TRIM11: variants seen among roughly 807,000 people sequenced by gnomAD.
The protein encoded by TRIM11 is tripartite motif containing 11.
TRIM11 carries 15 observed loss-of-function variants against 33.4 expected under a neutral mutation model. The observed-to-expected ratio is 0.45, with a 90% CI of 0.30 to 0.69. TRIM11 has a LOEUF of 0.69. Among genes scored for constraint, TRIM11 ranks in the 30% least tolerant of loss-of-function variants. The probability of loss-of-function intolerance (pLI) is 0.08; values close to 1 mark genes in which losing one functional copy is unlikely to be tolerated. For synonymous variants in TRIM11, 281 were observed against 302.6 expected (o/e 0.93, Z 0.74); for missense variants, 499 against 667.6 (o/e 0.75, Z 2.78).
Position 228,406,085 on chromosome 1 carries a change from C to A in TRIM11, c.408+69G>T. 1.6e-6 allele frequency: 2 copies of A among 1,261,760 alleles called. No homozygotes were observed. The highest frequency in any genetic ancestry group is 2.0e-6 in the Non-Finnish European group (2 of 981,664). 78.2% of individuals were successfully genotyped at this position (1,261,760 alleles called of 1,614,324 possible). A position where few individuals can be genotyped will look rare whatever the true frequency, so the allele number is the denominator to read the frequency against. The stretch of plus-strand genomic sequence containing the variant: ...CTCCCGGAGCAGTCCCCCAAACCTC[C>A]CACCCGCCCAGGCCTCCCCAGTCCC... On this transcript the variant is annotated intron_variant, in intron 1 of 5. Coordinates refer to ENST00000284551, the MANE Select transcript of TRIM11 (RefSeq NM_145214.3). The surrounding 1 kb of genome is among the most constrained non-coding windows in gnomAD (Gnocchi z 8.2).
Position 228,393,925 on chromosome 1 carries a change from GGGCCACT to G in TRIM11, c.*773_*779del, listed in dbSNP as rs1441702397. 6.6e-6 allele frequency: 1 copy of G among 152,190 alleles called. No homozygotes were observed. Among genetic ancestry groups the G allele is most frequent in the Non-Finnish European group, 1.5e-5 (1 of 68,048 alleles). The allele number at this position is 152,190 out of a possible 1,614,324, so 9.4% of individuals were successfully genotyped here. A position where few individuals can be genotyped will look rare whatever the true frequency, so the allele number is the denominator to read the frequency against. On this transcript the variant is annotated 3_prime_UTR_variant, in exon 6 of 6. Transcript: ENST00000284551. ...AGCAGCTGGGACCCTGGGTCCTGAG[GGGCCACT>G]GGAGACCTAGGAAGCCTTTGCAAGG...
At chr1:228,399,173 C>T (rs1385450571) in intron 3 of TRIM11, among the ~76,000 whole-genome samples, 1 of 152,092 alleles carries the variant, frequency 6.6e-6, no homozygotes, top group Admixed American at 6.5e-5. Flanking sequence ...GGTTCCCCTA[C>T]CCAACCGGGG....
At chr1:228,402,037 C>G in intron 2 of TRIM11, 29 bp downstream of exon 2, 3 of 1,602,036 alleles carry the variant, frequency 1.9e-6, no homozygotes, top group Non-Finnish European at 1.7e-6. Context: ...TACCCTGCCA[C>G]CCAGGACCCT....
At chr1:228,398,580 A>ACT (rs1319911360) in intron 3 of TRIM11, among the ~76,000 whole-genome samples, 1 of 152,134 alleles carries the variant, frequency 6.6e-6, no homozygotes, top group Admixed American at 6.5e-5. Flanking sequence ...ACATCACTGT[A>ACT]CTCTAGCCTG....
Position 228,395,502 on chromosome 1 carries a change from A to C in TRIM11, c.860-250T>G. 2.7e-6 allele frequency: 1 copy of C among 367,542 alleles called. No homozygotes were observed. The highest frequency in any genetic ancestry group is 4.1e-5 in the East Asian group (1 of 24,648). 22.8% of individuals were successfully genotyped at this position (367,542 alleles called of 1,614,324 possible). On this transcript the variant is annotated intron_variant, in intron 5 of 5. Transcript: ENST00000284551. This position sits in a 1 kb window ranked among gnomAD's most constrained non-coding sequence, Gnocchi z 4.8. Reference sequence around the variant, plus strand: ...CCATGTTTTGCCTTCAGATATCAAGAGGGAATCTTGGTTGCTTTTTTTTTT... The same window carrying C: ...CCATGTTTTGCCTTCAGATATCAAGCGGGAATCTTGGTTGCTTTTTTTTTT...
intron 4 of TRIM11, 21 bp downstream of exon 4, chr1:228,397,122 C>T: frequency 5.6e-6 from 9 of 1,613,896 alleles, no homozygotes; most frequent in Non-Finnish European, 6.8e-6. Flanking sequence ...GCCCCCCCTC[C>T]AGGAGAGGCT....
In TRIM11 at chr1:228,394,724, TC is replaced by T; in HGVS notation, c.1387del (p.Asp463ThrfsTer51). On this transcript the variant is annotated frameshift_variant, in exon 6 of 6. Transcript: ENST00000284551. LOFTEE classifies it high-confidence loss of function. The surrounding 1 kb of genome is among the most constrained non-coding windows in gnomAD (Gnocchi z 6.2). ...CCCGAGTCACTGGGGAGCCAGGGTG[TC>T]CCCGGACCCACCTTTCGGCCGGCAG... ...TICRPKGGSG[D>X]TLAPQ The T allele has an allele frequency of 6.2e-7, 1 of 1,605,582 alleles. No individual in the cohort carries two copies. Among genetic ancestry groups the T allele is most frequent in the Middle Eastern group, 1.7e-4 (1 of 5,890 alleles).
Position 228,394,914 on chromosome 1 carries a change from G to C in TRIM11, c.1198C>G (p.Pro400Ala). 1 of 1,614,160 alleles carries C rather than the reference G, an allele frequency of 6.2e-7. No individual in the cohort carries two copies. The highest frequency in any genetic ancestry group is 1.1e-5 in the South Asian group (1 of 91,086). ...AGAAAGATCCCCACGCGCCTGGGTG[G>C]GTCCCGGAGTGGAGCCAAGGCCCGT... ...SERALAPLRD[P>A]PRRVGIFLDY... The change falls in exon 6 of 6, where the codon CCA becomes GCA. Residue 400 changes from proline to alanine, a missense_variant. By Grantham distance (27) the Pro-to-Ala change is conservative. Coordinates refer to ENST00000284551, the MANE Select transcript of TRIM11 (RefSeq NM_145214.3). The surrounding 1 kb of genome is among the most constrained non-coding windows in gnomAD (Gnocchi z 6.2).
chr1:228,397,290 A>C (rs770267902), intron 3 of TRIM11, 125 bp from the exon 4 acceptor site: 3 of 1,194,302 alleles, frequency 2.5e-6, no homozygotes, highest in African/African-American at 1.5e-5. Context: ...GGCAGCAAAA[A>C]CACACACAGG....
At position 228,400,512 on chromosome 1, in the gene TRIM11, A is replaced by G. The variant is rs1656161838; in HGVS notation, c.735+452T>C. On this transcript the variant is annotated intron_variant, in intron 3 of 5. Coordinates refer to ENST00000284551, the MANE Select transcript of TRIM11 (RefSeq NM_145214.3). This position sits in a 1 kb window ranked among gnomAD's most constrained non-coding sequence, Gnocchi z 4.5. The stretch of plus-strand genomic sequence containing the variant: ...GCAGAGGAGGAGGAGACTGCCCCCC[A>G]TAATGGAGATGCATGGGGTGTGCCA... Among the ~76,000 whole-genome samples the G allele has an allele frequency of 6.6e-6, 1 of 152,162 alleles. No homozygotes were observed. Among genetic ancestry groups the G allele is most frequent in the Non-Finnish European group, 1.5e-5 (1 of 68,012 alleles).
At position 228,395,625 on chromosome 1, in the gene TRIM11, T is replaced by G. The variant is rs936289346; in HGVS notation, c.860-373A>C. ...GCCTTGATCTCCTGGGCTCAAATGATCCTCCCGCCTCAGATCCTCCCAAGC... is the reference window on the plus strand; with the variant it reads ...GCCTTGATCTCCTGGGCTCAAATGAGCCTCCCGCCTCAGATCCTCCCAAGC... On this transcript the variant is annotated intron_variant, in intron 5 of 5. Transcript: ENST00000284551. This position sits in a 1 kb window ranked among gnomAD's most constrained non-coding sequence, Gnocchi z 4.8. 28 of 177,094 alleles carry G rather than the reference T, an allele frequency of 1.6e-4. No individual in the cohort carries two copies. The highest frequency in any genetic ancestry group is 5.4e-4 in the African/African-American group (23 of 42,346). 11.0% of individuals were successfully genotyped at this position (177,094 alleles called of 1,614,324 possible).
Position 228,397,324 on chromosome 1 carries a change from G to A in TRIM11, c.736-159C>T, listed in dbSNP as rs2074995573. 3 of 765,316 alleles carry A rather than the reference G, an allele frequency of 3.9e-6. No homozygotes were observed. The East Asian group carries it at 8.1e-5, about 21-fold the overall frequency. 47.4% of individuals were successfully genotyped at this position (765,316 alleles called of 1,614,324 possible). On this transcript the variant is annotated intron_variant, in intron 3 of 5. Transcript: ENST00000284551. ...GGGGGCCATAAACCACCCGCAGCAA[G>A]GCTCAGACACAGGAATGCTGGACAG...
intron 5 of TRIM11, chr1:228,396,517 T>G (rs1478901063): frequency 1.7e-6 from 1 of 603,254 alleles, no homozygotes; most frequent in African/African-American, 1.9e-5. Flanking sequence ...AGTAAAGTGC[T>G]CTTCTGAGTT....
In TRIM11 at chr1:228,401,926, G is replaced by T; in HGVS notation, c.504+140C>A. ...AAGGACCAGCCCTTCAGTGGGCTCG[G>T]TGGGGCCAGGCTGAAGCAGTGACTG... On this transcript the variant is annotated intron_variant, in intron 2 of 5. Coordinates refer to ENST00000284551, the MANE Select transcript of TRIM11 (RefSeq NM_145214.3). The surrounding 1 kb of genome is among the most constrained non-coding windows in gnomAD (Gnocchi z 6.1). 1.8e-6 allele frequency: 1 copy of T among 560,382 alleles called. No individual in the cohort carries two copies. The highest frequency in any genetic ancestry group is 2.9e-6 in the Non-Finnish European group (1 of 340,586). The allele number at this position is 560,382 out of a possible 1,614,324, so 34.7% of individuals were successfully genotyped here. A position where few individuals can be genotyped will look rare whatever the true frequency, so the allele number is the denominator to read the frequency against.
intron 1 of TRIM11, chr1:228,405,878 A>G (rs1255739826): frequency 2.6e-6 from 1 of 378,914 alleles, no homozygotes; most frequent in Non-Finnish European, 4.7e-6. Flanking sequence ...GCCTCTATCT[A>G]TGAGAGGTAC....
Position 228,394,658 on chromosome 1 carries a change from C to G in TRIM11, c.*47G>C. 1.3e-6 allele frequency: 2 copies of G among 1,532,066 alleles called. No individual in the cohort carries two copies. The highest frequency in any genetic ancestry group is 2.5e-5 in the South Asian group (2 of 78,962). The allele number at this position is 1,532,066 out of a possible 1,614,324, so 94.9% of individuals were successfully genotyped here. ...TCCAAGTGGCCAAAACACTCAGTGG[C>G]CTGGAGGGGCAGGAGAGGCAACAGG... On this transcript the variant is annotated 3_prime_UTR_variant, in exon 6 of 6. Coordinates refer to ENST00000284551, the MANE Select transcript of TRIM11 (RefSeq NM_145214.3). The surrounding 1 kb of genome is among the most constrained non-coding windows in gnomAD (Gnocchi z 6.2).
intron 5 of TRIM11, chr1:228,396,308 T>C (rs763432928): frequency 6.1e-4 from 163 of 269,108 alleles, no homozygotes; most frequent in Middle Eastern, 4.6e-3. Context: ...ATCATAACCA[T>C]GTAATGGAAC....
chr1:228,406,532 G>T lies in TRIM11; in HGVS notation c.30C>A (p.Leu10=), dbSNP rs1484371633. The T allele has an allele frequency of 2.5e-6, 4 of 1,569,922 alleles. No homozygotes were observed. The highest frequency in any genetic ancestry group is 2.6e-6 in the Non-Finnish European group (3 of 1,157,996). The change falls in exon 1 of 6, where the codon CTC becomes CTA. Residue 10 remains leucine, a synonymous_variant. Coordinates refer to ENST00000284551, the MANE Select transcript of TRIM11 (RefSeq NM_145214.3). The surrounding 1 kb of genome is among the most constrained non-coding windows in gnomAD (Gnocchi z 8.2). The part of the protein sequence containing the change: MAAPDLSTN[L]QEEATCAICL... Reference sequence around the variant, plus strand: ...AGATGGCGCAGGTGGCCTCCTCCTGGAGGTTGGTGGACAGGTCGGGGGCGG... The same window carrying T: ...AGATGGCGCAGGTGGCCTCCTCCTGTAGGTTGGTGGACAGGTCGGGGGCGG...
chr1:228,402,094 T>C lies in TRIM11; in HGVS notation c.476A>G (p.Gln159Arg), dbSNP rs200161509. Residue 159 changes from glutamine (Q) to arginine (R), a missense_variant, in exon 2 of 6, where the codon CAG (glutamine) becomes CGG (arginine). Gln to Arg is a conservative substitution (Grantham distance 43). Coordinates refer to ENST00000284551, the MANE Select transcript of TRIM11 (RefSeq NM_145214.3). The stretch of plus-strand genomic sequence containing the variant: ...CCACAAGACGCAGGTCTCATCCGCC[T>C]GGGCTTGGAACAGCAACGCATCCTG... ...QMQDALLFQAQADETCVLWQK... is the reference protein window; with the variant it reads ...QMQDALLFQARADETCVLWQK... 5 of 1,613,182 alleles carry C rather than the reference T, an allele frequency of 3.1e-6. No homozygotes were observed. The Admixed American group carries it at 6.7e-5, about 22-fold the overall frequency.
Sources: gnomAD v4.1 joint callset for allele counts (sites outside exome capture counted in the v4.1 genomes callset) on GRCh38, gnomAD v4.1.1 for gene constraint, Gnocchi (gnomAD v3.1) non-coding constraint, MANE v1.5 for transcripts, NCBI Gene and HGNC (gene_info 2026-07-23, HGNC 2026-07-21) for gene names.